The following PLB1 variants were observed in gnomAD, a reference collection of about 807,000 sequenced individuals.
The protein encoded by PLB1 is phospholipase B1, also known as phospholipase B1, membrane-associated.
In PLB1, 242 loss-of-function variants were observed where a neutral mutation model predicts 227.4. The ratio of observed to expected loss-of-function variants is 1.06; its 90% CI spans 0.96 to 1.18. The LOEUF (loss-of-function observed/expected upper bound fraction) is 1.18, where lower values mean the gene tolerates loss of function less well. Among genes scored for constraint, PLB1 ranks in the 50% most tolerant of loss-of-function variants. PLB1 has a pLI of 0.00. For missense variants in PLB1, 1,858 were observed against 1,816.3 expected, an observed-to-expected ratio of 1.02 and a Z score of -0.42; for synonymous variants, 757 against 682.2, an observed-to-expected ratio of 1.11 and a Z score of -1.71.
chr2:28,545,208 A>G (rs1673058973), intron 14 of PLB1, among the ~76,000 whole-genome samples: 1 of 151,518 alleles, frequency 6.6e-6, no homozygotes, highest in South Asian at 2.1e-4. Context: ...CTAGGTAAGC[A>G]GTGACCTCAC....
At position 28,576,419 on chromosome 2, in the gene PLB1, A is replaced by G. The variant is rs528501222; in HGVS notation, c.1434-1688A>G. Among the ~76,000 whole-genome samples, 6 of 152,284 alleles carry G rather than the reference A, an allele frequency of 3.9e-5. No homozygotes were observed. The South Asian group carries it at 1.0e-3, about 26-fold the overall frequency. On this transcript the variant is annotated intron_variant, in intron 21 of 57. Transcript: ENST00000327757. ...GAACAGAGCAAAACGTCAGACTCCCATGTTTTACCAATGATAAAACTGAGC... is the reference window on the plus strand; with the variant it reads ...GAACAGAGCAAAACGTCAGACTCCCGTGTTTTACCAATGATAAAACTGAGC...
In PLB1 at chr2:28,519,728, A is replaced by G; in HGVS notation, c.208A>G (p.Ile70Val). Residue 70 changes from isoleucine (I) to valine (V), a missense_variant, in exon 4 of 58, where the codon ATT (isoleucine) becomes GTT (valine). Ile to Val is a conservative substitution (Grantham distance 29). Transcript: ENST00000327757. ...AGTTCACTCTCTGAAGCCTTCTGAT[A>G]TTAAATTTGTGGCAGCCATTGGCAA... ...KSVHSLKPSD[I>V]KFVAAIGNLE... is the part of the protein sequence containing the mutation. 6.2e-7 allele frequency: 1 copy of G among 1,611,952 alleles called. No homozygotes were observed. The highest frequency in any genetic ancestry group is 8.5e-7 in the Non-Finnish European group (1 of 1,178,214).
intron 56 of PLB1, among the ~76,000 whole-genome samples, chr2:28,639,315 G>A (rs1689724333): frequency 1.3e-5 from 2 of 148,688 alleles, no homozygotes; most frequent in South Asian, 4.3e-4. Flanking sequence ...CTTCTGAGAA[G>A]CCAAGCAAGT....
At chr2:28,516,726 A>G (rs899734770) in intron 1 of PLB1, 82 bp from the exon 2 acceptor site, 10 of 1,238,324 alleles carry the variant, frequency 8.1e-6, no homozygotes, top group South Asian at 2.5e-5. Context: ...AGATATGGCT[A>G]GGAGGAAGGG....
intron 42 of PLB1, among the ~76,000 whole-genome samples, chr2:28,606,264 C>A (rs1684660169): frequency 6.6e-6 from 1 of 152,206 alleles, no homozygotes; most frequent in Non-Finnish European, 1.5e-5. Context: ...TCATTTAAGG[C>A]TCTGCATATC....
At position 28,643,648 on chromosome 2, in the gene PLB1, T is replaced by A. The variant is rs1690201574; in HGVS notation, c.*587T>A. 1 of 152,260 alleles carries A rather than the reference T, an allele frequency of 6.6e-6. No homozygotes were observed. The highest frequency in any genetic ancestry group is 2.1e-4 in the South Asian group (1 of 4,834). The allele number at this position is 152,260 out of a possible 1,614,324, so 9.4% of individuals were successfully genotyped here. The stretch of plus-strand genomic sequence containing the variant: ...ATAACCAAGAAGCCACGTGATGATG[T>A]GTAACTACTAGGGCATCAGTAGGTA... On this transcript the variant is annotated 3_prime_UTR_variant, in exon 58 of 58. Coordinates refer to ENST00000327757, the MANE Select transcript of PLB1 (RefSeq NM_153021.5).
chr2:28,592,506 T>C (rs1293614182), intron 31 of PLB1, among the ~76,000 whole-genome samples, 155 bp from the exon 32 acceptor site: 1 of 152,194 alleles, frequency 6.6e-6, no homozygotes, highest in Non-Finnish European at 1.5e-5. Context: ...ACTGTCCTCA[T>C]ATAACTTTGC....
In PLB1 at chr2:28,499,504, G is replaced by A. The variant is rs115334976; in HGVS notation, c.55+3335G>A. On this transcript the variant is annotated intron_variant, in intron 1 of 57. Transcript: ENST00000327757. ...TTTCTTTTTCTTATCTTACTGTGCC[G>A]GCTGGTGCCTGCACAACAGTTTTTT... is the stretch of plus-strand genomic sequence containing the variant. Among the ~76,000 whole-genome samples the A allele has an allele frequency of 2.0e-3, 302 of 151,110 alleles. 1 individual carries two copies. Among genetic ancestry groups the A allele is most frequent in the African/African-American group, 7.0e-3 (288 of 41,170 alleles).
intron 18 of PLB1, among the ~76,000 whole-genome samples, chr2:28,564,657 C>T (rs1361983118): frequency 2.0e-5 from 3 of 152,152 alleles, no homozygotes; most frequent in Admixed American, 2.0e-4. Flanking sequence ...AGGAACTGGG[C>T]ACCAGAGAGC....
chr2:28,500,811 T>C (rs1326872027), intron 1 of PLB1, among the ~76,000 whole-genome samples: 1 of 152,202 alleles, frequency 6.6e-6, no homozygotes, highest in Non-Finnish European at 1.5e-5. Flanking sequence ...TGTGTTGTAA[T>C]CCAGGCCTGT....
intron 44 of PLB1, among the ~76,000 whole-genome samples, chr2:28,616,337 C>A (rs925308280): frequency 6.6e-6 from 1 of 152,234 alleles, no homozygotes; most frequent in Admixed American, 6.5e-5. Flanking sequence ...CACACTATGC[C>A]TCATAAGTAT....
chr2:28,574,384 C>CTTTTT (rs70956023), intron 21 of PLB1, among the ~76,000 whole-genome samples: 10,728 of 73,896 alleles, frequency 0.15, 1,706 homozygotes, highest in African/African-American at 0.32. Flanking sequence ...TTATATCATT[C>CTTTTT]TTTTTTTTTT....
At chr2:28,526,263 G>T (rs1003951222) in intron 6 of PLB1, among the ~76,000 whole-genome samples, 1 of 151,998 alleles carries the variant, frequency 6.6e-6, no homozygotes, top group Admixed American at 6.5e-5. Flanking sequence ...TGAGTTTCCT[G>T]CCCACCCAGA....
At position 28,643,415 on chromosome 2, in the gene PLB1, C is replaced by T. The variant is rs142695694; in HGVS notation, c.*354C>T. 428 of 200,658 alleles carry T rather than the reference C, an allele frequency of 2.1e-3. 3 individuals are homozygous for T. Among genetic ancestry groups the T allele is most frequent in the African/African-American group, 9.2e-3 (401 of 43,562 alleles). The allele number at this position is 200,658 out of a possible 1,614,324, so 12.4% of individuals were successfully genotyped here. On this transcript the variant is annotated 3_prime_UTR_variant, in exon 58 of 58. Coordinates refer to ENST00000327757, the MANE Select transcript of PLB1 (RefSeq NM_153021.5). ...AAACTGCCTGCCACCACGAGCATATCCTCAAGTCACCAAACCCACTATTTC... is the reference window on the plus strand; with the variant it reads ...AAACTGCCTGCCACCACGAGCATATTCTCAAGTCACCAAACCCACTATTTC...
chr2:28,549,212 C>G (rs1316379295), intron 15 of PLB1, among the ~76,000 whole-genome samples: 1 of 152,124 alleles, frequency 6.6e-6, no homozygotes, highest in African/African-American at 2.4e-5. Flanking sequence ...GGTCCTGGCC[C>G]TCTGCCCCAG....
chr2:28,503,659 T>C (rs1667345032), intron 1 of PLB1, among the ~76,000 whole-genome samples: 1 of 152,204 alleles, frequency 6.6e-6, no homozygotes, highest in Non-Finnish European at 1.5e-5. Flanking sequence ...TCTGGGGACT[T>C]GGTACTGGGA....
chr2:28,620,830 T>G, intron 48 of PLB1, 49 bp from the exon 49 acceptor site: 1 of 1,508,834 alleles, frequency 6.6e-7, no homozygotes, highest in African/African-American at 1.4e-5. Flanking sequence ...ACTGTGAGGG[T>G]CCTGCAGGCT....
At chr2:28,569,894 A>AG in intron 20 of PLB1, among the ~76,000 whole-genome samples, 1 of 148,324 alleles carries the variant, frequency 6.7e-6, no homozygotes, top group Non-Finnish European at 1.5e-5. Context: ...TGAACCCTGG[A>AG]GGCAGAGCTT....
rs145247397 is a variant in PLB1, at chr2:28,627,453, G to A, written c.3660+945G>A. ...TGGGAACAGTCAGGTTTATACTTCC[G>A]AGAGCGTAGTTTAGTTGAAAGGGCT... On this transcript the variant is annotated intron_variant, in intron 51 of 57. Transcript: ENST00000327757. 2.2e-4 allele frequency among the ~76,000 whole-genome samples: 33 copies of A among 152,290 alleles called. No homozygotes were observed. The East Asian group carries it at 5.6e-3, about 26-fold the overall frequency.
Sources: gnomAD v4.1 joint callset for allele counts (sites outside exome capture counted in the v4.1 genomes callset) on GRCh38, gnomAD v4.1.1 for gene constraint, MANE v1.5 for transcripts, NCBI Gene and HGNC (gene_info 2026-07-23, HGNC 2026-07-21) for gene names.